Variants in UNC13C observed in about 807,000 individuals in gnomAD.
UNC13C encodes unc-13 homolog C.
In UNC13C, 174 loss-of-function variants were observed where a neutral mutation model predicts 245.4. That is an observed-to-expected ratio of 0.71 (90% CI 0.63 to 0.80). The LOEUF is 0.80. Ranked by LOEUF, UNC13C falls within the 30% of genes least tolerant of loss-of-function variation. The pLI is 0.00. For synonymous variants in UNC13C, 992 were observed against 895.1 expected (o/e 1.11, Z -1.93); for missense variants, 2,829 against 2,602.9 (o/e 1.09, Z -1.89).
chr15:54,546,001 C>CT (rs1323410486), intron 26 of UNC13C, among the ~76,000 whole-genome samples: 1 of 152,172 alleles, frequency 6.6e-6, no homozygotes, highest in Non-Finnish European at 1.5e-5. Context: ...AATCATTCTT[C>CT]TGTAAAGACA....
At chr15:54,530,357 G>A (rs1895680024) in intron 25 of UNC13C, among the ~76,000 whole-genome samples, 1 of 152,140 alleles carries the variant, frequency 6.6e-6, no homozygotes, top group Non-Finnish European at 1.5e-5. Flanking sequence ...CAAATTTCAA[G>A]TATATAATGC....
intron 19 of UNC13C, among the ~76,000 whole-genome samples, chr15:54,418,144 A>C (rs1291315543): frequency 6.6e-6 from 1 of 152,164 alleles, no homozygotes; most frequent in Admixed American, 6.6e-5. Flanking sequence ...GTAAAGCTTT[A>C]GCTCATCAGA....
intron 18 of UNC13C, among the ~76,000 whole-genome samples, chr15:54,407,776 C>T (rs2040327356): frequency 1.3e-5 from 2 of 152,086 alleles, no homozygotes; most frequent in African/African-American, 4.8e-5. Context: ...GGGACTACTA[C>T]ATAAAATATG....
At chr15:54,438,911 C>G (rs1890369682) in intron 19 of UNC13C, among the ~76,000 whole-genome samples, 2 of 151,918 alleles carry the variant, frequency 1.3e-5, no homozygotes, top group Admixed American at 1.3e-4. Flanking sequence ...AACTCAATAC[C>G]TTGTGTTGTT....
chr15:54,100,552 T>C lies in UNC13C; in HGVS notation c.2984-42466T>C, dbSNP rs569120151. ...CTCTATGTGATTCCATTCAGCCTTA[T>C]ACTTTTCTTTAAATTGCATTTTTAT... On this transcript the variant is annotated intron_variant, in intron 2 of 32. Coordinates refer to ENST00000260323, the MANE Select transcript of UNC13C (RefSeq NM_001080534.3). Among the ~76,000 whole-genome samples, 10 of 152,298 alleles carry C rather than the reference T, an allele frequency of 6.6e-5. No homozygotes were observed. In the South Asian group the frequency reaches 1.9e-3, roughly 28 times the overall value.
At chr15:54,404,445 T>A (rs2040252375) in intron 18 of UNC13C, among the ~76,000 whole-genome samples, 1 of 152,148 alleles carries the variant, frequency 6.6e-6, no homozygotes, top group Non-Finnish European at 1.5e-5. Context: ...GTTAATTAAT[T>A]GCTGCAAATT....
intron 32 of UNC13C, among the ~76,000 whole-genome samples, chr15:54,624,439 A>G (rs891946029): frequency 2.0e-5 from 3 of 152,102 alleles, no homozygotes; most frequent in African/African-American, 7.2e-5. Flanking sequence ...GGCGAGAGCA[A>G]GTCTGGGATA....
chr15:54,037,863 A>G (rs1158071854), intron 2 of UNC13C, among the ~76,000 whole-genome samples: 1 of 151,258 alleles, frequency 6.6e-6, no homozygotes, highest in Non-Finnish European at 1.5e-5. Context: ...TAATATTTGT[A>G]TAGTATATAA....
chr15:54,507,262 AG>A lies in UNC13C; in HGVS notation c.5379+69del, dbSNP rs1894515380. On this transcript the variant is annotated intron_variant, in intron 23 of 32. Coordinates refer to ENST00000260323, the MANE Select transcript of UNC13C (RefSeq NM_001080534.3). Reference sequence around the variant, plus strand: ...GATTTACTTCTTCAAAGTATGAGTAAGCAAGATAAATTGTTGACTTTCAGTT... The same window carrying A: ...GATTTACTTCTTCAAAGTATGAGTAACAAGATAAATTGTTGACTTTCAGTT... 7 of 1,044,698 alleles carry A rather than the reference AG, an allele frequency of 6.7e-6. No individual in the cohort carries two copies. In the South Asian group the frequency reaches 1.0e-4, roughly 15 times the overall value. 64.7% of individuals were successfully genotyped at this position (1,044,698 alleles called of 1,614,324 possible).
intron 19 of UNC13C, among the ~76,000 whole-genome samples, chr15:54,415,412 C>T (rs2040498417): frequency 6.6e-6 from 1 of 152,082 alleles, no homozygotes. Flanking sequence ...TATTTGTCTA[C>T]GTGGACTTGG....
At chr15:54,561,990 C>G (rs556707949) in intron 29 of UNC13C, among the ~76,000 whole-genome samples, 81 of 151,842 alleles carry the variant, frequency 5.3e-4, no homozygotes, top group Non-Finnish European at 8.8e-4. Context: ...TCAGCCCCAG[C>G]GACTGAGAAA....
intron 14 of UNC13C, among the ~76,000 whole-genome samples, chr15:54,323,309 A>G (rs974700234): frequency 4.6e-5 from 7 of 152,094 alleles, no homozygotes; most frequent in African/African-American, 1.4e-4. Flanking sequence ...AGAATAATCA[A>G]AGGAAAGTAT....
chr15:54,617,417 ATATAC>A (rs1900513672), intron 30 of UNC13C, among the ~76,000 whole-genome samples: 1 of 152,024 alleles, frequency 6.6e-6, no homozygotes, highest in Non-Finnish European at 1.5e-5. Context: ...AGAGCACAGT[ATATAC>A]TATATCTTAT....
intron 17 of UNC13C, among the ~76,000 whole-genome samples, chr15:54,343,500 T>G (rs2038787197): frequency 6.6e-6 from 1 of 152,174 alleles, no homozygotes; most frequent in South Asian, 2.1e-4. Flanking sequence ...CTCACACTCC[T>G]GAACCAAACT....
At chr15:53,901,361 A>C in the UNC13C span, among the ~76,000 whole-genome samples, 1 of 151,744 alleles carries the variant, frequency 6.6e-6, no homozygotes, top group Admixed American at 6.6e-5. Context: ...CTGGGACTAC[A>C]GGTGCCTGAC....
chr15:54,552,698 T>TTATATAATTATATTATATAGTACA (rs1896859832), intron 28 of UNC13C, among the ~76,000 whole-genome samples: 6 of 83,244 alleles, frequency 7.2e-5, no homozygotes, highest in African/African-American at 3.0e-4. Flanking sequence ...AATTATATAT[T>TTATATAATTATATTATATAGTACA]ATATATAATT....
intron 2 of UNC13C, among the ~76,000 whole-genome samples, chr15:54,116,959 A>G (rs1237420301): frequency 1.3e-5 from 2 of 152,118 alleles, no homozygotes; most frequent in Non-Finnish European, 2.9e-5. Flanking sequence ...TTTGATAAAA[A>G]ACTGTTTTAG....
intron 19 of UNC13C, among the ~76,000 whole-genome samples, chr15:54,453,952 AACCATCT>A (rs1437856861): frequency 1.3e-5 from 2 of 152,198 alleles, no homozygotes; most frequent in African/African-American, 4.8e-5. Flanking sequence ...AGCATCTGAT[AACCATCT>A]ACCTTCTAGC....
chr15:54,504,799 G>A (rs904142034), intron 22 of UNC13C, among the ~76,000 whole-genome samples: 1 of 152,094 alleles, frequency 6.6e-6, no homozygotes, highest in African/African-American at 2.4e-5. Flanking sequence ...CTGATCATAA[G>A]AGCAGTACAC....
Sources: allele counts gnomAD v4.1 joint callset (sites outside exome capture counted in the v4.1 genomes callset), GRCh38; gene constraint gnomAD v4.1.1; transcripts MANE v1.5; gene names NCBI Gene and HGNC (gene_info 2026-07-23, HGNC 2026-07-21).